Variants in ADIPOR2 observed in about 807,000 individuals in gnomAD.
ADIPOR2 encodes adiponectin receptor protein 2.
A neutral mutation model predicts 40.9 loss-of-function variants in ADIPOR2; 18 were observed. That is an observed-to-expected ratio of 0.44 (90% CI 0.30 to 0.65). The LOEUF (loss-of-function observed/expected upper bound fraction) is 0.65. ADIPOR2 is among the 30% of genes least tolerant of loss of function. The probability of loss-of-function intolerance (pLI) is 0.09; values close to 1 mark genes in which losing one functional copy is unlikely to be tolerated. For synonymous variants in ADIPOR2, 165 were observed against 166.4 expected (o/e 0.99, Z 0.06); for missense variants, 283 against 479.2 (o/e 0.59, Z 3.82).
intron 1 of ADIPOR2, among the ~76,000 whole-genome samples, chr12:1,712,218 A>G (rs1212700497): frequency 6.6e-6 from 1 of 152,098 alleles, no homozygotes; most frequent in Non-Finnish European, 1.5e-5. Context: ...ATTTGTTGGC[A>G]GTCATGCTCG....
At chr12:1,703,736 A>C (rs2094655692) in intron 1 of ADIPOR2, among the ~76,000 whole-genome samples, 1 of 152,054 alleles carries the variant, frequency 6.6e-6, no homozygotes, top group South Asian at 2.1e-4. Flanking sequence ...TAAATAAATA[A>C]ATAAATAAAT....
At chr12:1,757,599 A>C (rs1341794193) in intron 2 of ADIPOR2, 2 of 1,205,462 alleles carry the variant, frequency 1.7e-6, no homozygotes, top group Non-Finnish European at 2.5e-6. Context: ...GCCGGGCATC[A>C]TGAGTCACCA....
intron 1 of ADIPOR2, among the ~76,000 whole-genome samples, chr12:1,724,091 C>G (rs577636463): frequency 3.5e-4 from 53 of 152,048 alleles, no homozygotes; most frequent in African/African-American, 1.3e-3. Flanking sequence ...AAGCGATTCT[C>G]CTGCCTCAGC....
At chr12:1,772,785 A>G in intron 2 of ADIPOR2, 57 bp from the exon 3 acceptor site, 1 of 1,549,040 alleles carries the variant, frequency 6.5e-7, no homozygotes, top group South Asian at 1.3e-5. Context: ...AAATGTATTG[A>G]TTGTGTCATT....
intron 1 of ADIPOR2, among the ~76,000 whole-genome samples, chr12:1,742,445 T>C (rs2094745014): frequency 6.6e-6 from 1 of 152,162 alleles, no homozygotes; most frequent in East Asian, 1.9e-4. Flanking sequence ...TCCCCATCCA[T>C]AAGGCAGGTA....
chr12:1,748,626 T>A (rs972197853), intron 1 of ADIPOR2, among the ~76,000 whole-genome samples: 2 of 151,524 alleles, frequency 1.3e-5, no homozygotes, highest in African/African-American at 4.9e-5. Flanking sequence ...AGGTTGAAGT[T>A]TTTTTTTTAA....
chr12:1,778,121 T>A (rs1862637522), intron 4 of ADIPOR2, 96 bp downstream of exon 4: 1 of 1,357,288 alleles, frequency 7.4e-7, no homozygotes, highest in Admixed American at 2.8e-5. Context: ...AGAAATGTAT[T>A]TGGATTTGCC....
At chr12:1,723,737 T>C (rs376255407) in intron 1 of ADIPOR2, among the ~76,000 whole-genome samples, 2 of 152,066 alleles carry the variant, frequency 1.3e-5, no homozygotes, top group South Asian at 4.2e-4. Context: ...ACAAACTATA[T>C]CATTCCAAAA....
intron 1 of ADIPOR2, among the ~76,000 whole-genome samples, chr12:1,719,508 A>G (rs914952533): frequency 3.3e-5 from 5 of 152,162 alleles, no homozygotes; most frequent in African/African-American, 1.2e-4. Flanking sequence ...TAACTGCTCT[A>G]GCTGTTTTGT....
intron 1 of ADIPOR2, among the ~76,000 whole-genome samples, chr12:1,712,944 A>G (rs2094680517): frequency 6.6e-6 from 1 of 152,118 alleles, no homozygotes; most frequent in Non-Finnish European, 1.5e-5. Flanking sequence ...GATTAGCTAG[A>G]AAGTTCAAGA....
chr12:1,782,976 C>CTTTT (rs71055199), intron 6 of ADIPOR2, among the ~76,000 whole-genome samples: 588 of 109,636 alleles, frequency 5.4e-3, no homozygotes, highest in Non-Finnish European at 8.4e-3. Context: ...TTCTTTCTTT[C>CTTTT]TTTTTTTTTT....
intron 1 of ADIPOR2, among the ~76,000 whole-genome samples, chr12:1,702,154 A>G (rs2094651666): frequency 6.6e-6 from 1 of 152,000 alleles, no homozygotes; most frequent in Non-Finnish European, 1.5e-5. Context: ...AAAACCCCAC[A>G]TGTCGCGACT....
At chr12:1,723,567 G>A (rs2094702033) in intron 1 of ADIPOR2, among the ~76,000 whole-genome samples, 1 of 151,908 alleles carries the variant, frequency 6.6e-6, no homozygotes. Context: ...CTTGAAGCGA[G>A]AGGTGGAGGT....
intron 1 of ADIPOR2, among the ~76,000 whole-genome samples, chr12:1,753,114 C>T (rs1281868255): frequency 6.6e-6 from 1 of 152,152 alleles, no homozygotes; most frequent in Non-Finnish European, 1.5e-5. Context: ...GAAACTAAAT[C>T]CACCTGTTAC....
chr12:1,696,326 G>C (rs1341302486), intron 1 of ADIPOR2: 1 of 167,726 alleles, frequency 6.0e-6, no homozygotes, highest in Admixed American at 6.1e-5. Context: ...CCTCCTCACT[G>C]AGACTGGTGC....
At chr12:1,773,084 G>T in intron 3 of ADIPOR2, 123 bp downstream of exon 3, 1 of 1,231,652 alleles carries the variant, frequency 8.1e-7, no homozygotes, top group Non-Finnish European at 1.1e-6. Context: ...GTGGCAAGAT[G>T]GGGACAGAAG....
chr12:1,772,624 G>A, intron 2 of ADIPOR2: 1 of 441,638 alleles, frequency 2.3e-6, no homozygotes. Context: ...TGCTGCTATA[G>A]TAGACAGTTA....
intron 1 of ADIPOR2, among the ~76,000 whole-genome samples, chr12:1,753,685 GTTTTCC>G (rs996214438): frequency 6.6e-6 from 1 of 152,076 alleles, no homozygotes; most frequent in African/African-American, 2.4e-5. Context: ...GGTGAATTTT[GTTTTCC>G]TTTACCTGTG....
In ADIPOR2 at chr12:1,711,613, CCTCTCTCTCTCT is replaced by C. The variant is rs3052417; in HGVS notation, c.-87+20439_-87+20450del. Among the ~76,000 whole-genome samples the C allele has an allele frequency of 6.8e-4, 102 of 149,744 alleles. 3 individuals are homozygous for C. The highest frequency in any genetic ancestry group is 1.5e-3 in the African/African-American group (60 of 40,192). ...ATCTCTGTGTCTCTCTTTGTCTCTT[CCTCTCTCTCTCT>C]CTCTCTCTCTCTCTCTTTCTCTCTT... On this transcript the variant is annotated intron_variant, in intron 1 of 7. Transcript: ENST00000357103.
Sources: gnomAD v4.1 joint callset for allele counts (sites outside exome capture counted in the v4.1 genomes callset) on GRCh38, gnomAD v4.1.1 for gene constraint, MANE v1.5 for transcripts, NCBI Gene and HGNC (gene_info 2026-07-23, HGNC 2026-07-21) for gene names.